Variants in FKBP5 observed in about 807,000 individuals in gnomAD.
FKBP5 encodes the protein peptidyl-prolyl cis-trans isomerase FKBP5.
A neutral mutation model predicts 50.5 loss-of-function variants in FKBP5; 23 were observed. The ratio of observed to expected loss-of-function variants is 0.46; its 90% confidence interval spans 0.33 to 0.65. The LOEUF (loss-of-function observed/expected upper bound fraction) is 0.65, where lower values mean the gene tolerates loss of function less well. Ranked by LOEUF, FKBP5 falls within the 30% of genes least tolerant of loss-of-function variation. The pLI is 0.02. For missense variants in FKBP5, 411 were observed against 553.1 expected (o/e 0.74, Z 2.58); for synonymous variants, 176 against 190.6 (o/e 0.92, Z 0.63).
At chr6:35,698,493 A>C (rs1420943781) in intron 2 of FKBP5, among the ~76,000 whole-genome samples, 3 of 146,272 alleles carry the variant, frequency 2.1e-5, no homozygotes, top group African/African-American at 5.1e-5. Flanking sequence ...CTAAAAATGC[A>C]AAAATTAGCC....
In FKBP5 at chr6:35,661,238, C is replaced by G. The variant is rs1438521196; in HGVS notation, c.-19-18395G>C. On this transcript the variant is annotated intron_variant, in intron 1 of 10. Coordinates refer to ENST00000357266, the MANE Select transcript of FKBP5 (RefSeq NM_004117.4). The stretch of plus-strand genomic sequence containing the variant: ...TCCTGGTCTCAAGTGATCCTCTCAT[C>G]TCAGCCTCCCAATGTACTGGGATTA... Among the ~76,000 whole-genome samples the G allele has an allele frequency of 2.4e-5, 2 of 83,230 alleles. 1 individual carries two copies. Among genetic ancestry groups the G allele is most frequent in the Non-Finnish European group, 5.5e-5 (2 of 36,378 alleles). The allele number at this position is 83,230 out of a possible 152,430, so 54.6% of individuals were successfully genotyped here. A position where few individuals can be genotyped will look rare whatever the true frequency, so the allele number is the denominator to read the frequency against.
intron 9 of FKBP5, among the ~76,000 whole-genome samples, chr6:35,579,191 T>C (rs1002287069): frequency 1.3e-5 from 2 of 152,068 alleles, no homozygotes; most frequent in African/African-American, 4.8e-5. Flanking sequence ...CTCCGCTCTG[T>C]ATGAAAAAAA....
chr6:35,597,529 AC>A, intron 5 of FKBP5, 125 bp from the exon 6 acceptor site: 2 of 1,137,956 alleles, frequency 1.8e-6, no homozygotes, highest in Non-Finnish European at 2.4e-6. Context: ...TCATCAAGAG[AC>A]ACACACAGTG....
intron 1 of FKBP5, among the ~76,000 whole-genome samples, chr6:35,657,027 C>T (rs1191888384): frequency 1.3e-5 from 2 of 150,274 alleles, no homozygotes; most frequent in Non-Finnish European, 3.0e-5. Flanking sequence ...CTGTCTAACA[C>T]GGTGAAACCC....
chr6:35,642,657 G>T, intron 2 of FKBP5, 63 bp downstream of exon 2: 1 of 1,282,866 alleles, frequency 7.8e-7, no homozygotes, highest in Non-Finnish European at 1.1e-6. Context: ...CCCTCAGAAA[G>T]AGATGCTATA....
intron 6 of FKBP5, 58 bp downstream of exon 6, chr6:35,597,190 A>G: frequency 6.4e-7 from 1 of 1,568,080 alleles, no homozygotes; most frequent in Non-Finnish European, 8.7e-7. Context: ...ATGAAAAAGC[A>G]AGCATATCCC....
intron 1 of FKBP5, among the ~76,000 whole-genome samples, chr6:35,648,339 A>T (rs963240945): frequency 1.3e-5 from 2 of 152,000 alleles, no homozygotes; most frequent in African/African-American, 4.8e-5. Context: ...GTACCGTCAT[A>T]GCTCACTGCA....
chr6:35,691,412 C>G (rs1221907969), upstream of FKBP5, among the ~76,000 whole-genome samples: 1 of 152,140 alleles, frequency 6.6e-6, no homozygotes, highest in Non-Finnish European at 1.5e-5. Flanking sequence ...ATTGAGGGAA[C>G]AGTGAGGAGC....
chr6:35,664,513 G>GT (rs1765161221), intron 1 of FKBP5, among the ~76,000 whole-genome samples: 1 of 152,194 alleles, frequency 6.6e-6, no homozygotes, highest in Non-Finnish European at 1.5e-5. Context: ...AGCAAATACA[G>GT]TATCTCATGC....
chr6:35,586,439 T>A, intron 8 of FKBP5: 1 of 985,506 alleles, frequency 1.0e-6, no homozygotes, highest in Non-Finnish European at 1.2e-6. Context: ...TCTCTCCTTT[T>A]ATCATATGCT....
chr6:35,655,938 G>C (rs1328170774), intron 1 of FKBP5, among the ~76,000 whole-genome samples: 2 of 152,094 alleles, frequency 1.3e-5, no homozygotes, highest in Non-Finnish European at 1.5e-5. Flanking sequence ...AGATTAGTTT[G>C]GTTTAAATAT....
intron 6 of FKBP5, among the ~76,000 whole-genome samples, chr6:35,593,675 C>T (rs1434460155): frequency 6.6e-6 from 1 of 152,138 alleles, no homozygotes; most frequent in Non-Finnish European, 1.5e-5. Flanking sequence ...CTGCCTCAGC[C>T]TCCCGAGTAG....
intron 2 of FKBP5, among the ~76,000 whole-genome samples, chr6:35,712,126 C>T (rs923067847): frequency 1.3e-5 from 2 of 151,862 alleles, no homozygotes; most frequent in Non-Finnish European, 2.9e-5. Flanking sequence ...GCAATCCTCC[C>T]GCCTCAGCCT....
intron 2 of FKBP5, among the ~76,000 whole-genome samples, chr6:35,710,194 T>A (rs114709095): frequency 2.0e-5 from 3 of 152,168 alleles, no homozygotes; most frequent in African/African-American, 7.2e-5. Context: ...GTGCAAAACA[T>A]AGGGCTGGGC....
At chr6:35,576,139 C>T (rs1243896249) in intron 10 of FKBP5, among the ~76,000 whole-genome samples, 197 bp from the exon 11 acceptor site, 1 of 152,058 alleles carries the variant, frequency 6.6e-6, no homozygotes, top group East Asian at 1.9e-4. Context: ...ACACATGGGA[C>T]AGCTGTGGGA....
chr6:35,582,354 G>A lies in FKBP5; in HGVS notation c.841-2133C>T, dbSNP rs562016419. 2.7e-5 allele frequency: 25 copies of A among 919,286 alleles called. No individual in the cohort carries two copies. In the African/African-American group the frequency reaches 3.4e-4, roughly 12 times the overall value. The allele number at this position is 919,286 out of a possible 1,614,324, so 56.9% of individuals were successfully genotyped here. A position where few individuals can be genotyped will look rare whatever the true frequency, so the allele number is the denominator to read the frequency against. On this transcript the variant is annotated intron_variant, in intron 8 of 10. Transcript: ENST00000357266. ...ATTCCTATGTTGAAGCCCTCACCCC[G>A]AATGTGATATTTGCAGATGGAGCAT...
intron 2 of FKBP5, among the ~76,000 whole-genome samples, chr6:35,715,297 C>G (rs1766492093): frequency 6.6e-6 from 1 of 152,278 alleles, no homozygotes; most frequent in South Asian, 2.1e-4. Flanking sequence ...TTACTAGGCA[C>G]GTCAGCTTAG....
chr6:35,673,056 G>A (rs1046208158), intron 1 of FKBP5, among the ~76,000 whole-genome samples: 1 of 152,104 alleles, frequency 6.6e-6, no homozygotes, highest in Admixed American at 6.6e-5. Flanking sequence ...TTGGTGATTG[G>A]GAATTAACAT....
In FKBP5 at chr6:35,642,950, A is replaced by G; in HGVS notation, c.-19-107T>C. The G allele has an allele frequency of 7.1e-6, 5 of 704,126 alleles. No individual in the cohort carries two copies. The East Asian group carries it at 1.3e-4, about 18-fold the overall frequency. 43.6% of individuals were successfully genotyped at this position (704,126 alleles called of 1,614,324 possible). On this transcript the variant is annotated intron_variant, in intron 1 of 10. Coordinates refer to ENST00000357266, the MANE Select transcript of FKBP5 (RefSeq NM_004117.4). ...CTAACCTAAGATTTACTTAGGGCCA[A>G]TAAGCTTAGATACTGAAAATGAAAA...
Sources: gnomAD v4.1 joint callset for allele counts (sites outside exome capture counted in the v4.1 genomes callset) on GRCh38, gnomAD v4.1.1 for gene constraint, MANE v1.5 for transcripts, NCBI Gene and HGNC (gene_info 2026-07-23, HGNC 2026-07-21) for gene names.